Variants in CDYL2 observed in about 807,000 individuals in gnomAD.
CDYL2 encodes the protein chromodomain Y-like protein 2.
A neutral mutation model predicts 49.4 loss-of-function variants in CDYL2; 23 were observed. The ratio of observed to expected loss-of-function variants is 0.47; its 90% CI spans 0.34 to 0.66. The LOEUF is 0.66. CDYL2 is among the 30% of genes least tolerant of loss of function. CDYL2 has a pLI of 0.01. For synonymous variants in CDYL2, 360 were observed against 268.8 expected (o/e 1.34, Z -3.32); for missense variants, 678 against 656.4 (o/e 1.03, Z -0.36).
chr16:80,631,121 C>T (rs1195384602), intron 3 of CDYL2, among the ~76,000 whole-genome samples: 2 of 152,228 alleles, frequency 1.3e-5, no homozygotes, highest in Non-Finnish European at 2.9e-5. Context: ...AACAGAACCC[C>T]TGCCCTCCTG....
chr16:80,733,291 C>T (rs1313458801), intron 1 of CDYL2, among the ~76,000 whole-genome samples: 1 of 152,176 alleles, frequency 6.6e-6, no homozygotes, highest in Non-Finnish European at 1.5e-5. Context: ...CTCAAAGGGG[C>T]CATAGTTGCA....
intron 1 of CDYL2, among the ~76,000 whole-genome samples, chr16:80,718,053 T>A (rs190379567): frequency 1.3e-5 from 2 of 152,320 alleles, no homozygotes; most frequent in African/African-American, 4.8e-5. Flanking sequence ...CAGGAGGGGC[T>A]ATTATCTCTA....
intron 2 of CDYL2, among the ~76,000 whole-genome samples, chr16:80,664,212 C>A (rs957429570): frequency 3.3e-5 from 5 of 152,198 alleles, no homozygotes; most frequent in African/African-American, 9.7e-5. Flanking sequence ...GCCCCATAAA[C>A]ACCTTAACTT....
intron 1 of CDYL2, among the ~76,000 whole-genome samples, chr16:80,768,083 C>T (rs1233040011): frequency 1.3e-5 from 2 of 152,302 alleles, no homozygotes; most frequent in African/African-American, 4.8e-5. Flanking sequence ...AGGCAAAGCC[C>T]ATTCCCCCAC....
chr16:80,670,965 C>G (rs1227580391), intron 2 of CDYL2: 2 of 455,908 alleles, frequency 4.4e-6, no homozygotes, highest in Non-Finnish European at 8.8e-6. Flanking sequence ...ACATGAATAT[C>G]TAAAGAAGGC....
At chr16:80,698,512 T>C (rs1473041948) in intron 1 of CDYL2, among the ~76,000 whole-genome samples, 2 of 152,144 alleles carry the variant, frequency 1.3e-5, no homozygotes, top group Non-Finnish European at 1.5e-5. Flanking sequence ...ACGGTTTGGA[T>C]CTGTGTCCTT....
intron 1 of CDYL2, among the ~76,000 whole-genome samples, chr16:80,686,363 T>C (rs1046741321): frequency 2.0e-5 from 3 of 152,260 alleles, no homozygotes; most frequent in Admixed American, 6.5e-5. Flanking sequence ...TTCCCAATGT[T>C]GTACCCTCCA....
chr16:80,666,817 G>A (rs1597158821), intron 2 of CDYL2, among the ~76,000 whole-genome samples: 2 of 152,128 alleles, frequency 1.3e-5, no homozygotes, highest in Admixed American at 6.5e-5. Context: ...AAGCAGAACC[G>A]GCTCCTTAAG....
chr16:80,738,938 C>T (rs961242738), intron 1 of CDYL2, among the ~76,000 whole-genome samples: 5 of 152,122 alleles, frequency 3.3e-5, no homozygotes, highest in Admixed American at 3.3e-4. Context: ...ATGCTTTGAC[C>T]ACTATTGTCT....
chr16:80,726,222 G>C (rs911095936), intron 1 of CDYL2, among the ~76,000 whole-genome samples: 8 of 152,134 alleles, frequency 5.3e-5, no homozygotes. Flanking sequence ...ATGTTGCAAA[G>C]GGATTTGAGG....
intron 1 of CDYL2, among the ~76,000 whole-genome samples, chr16:80,703,597 G>A (rs1241641409): frequency 6.6e-6 from 1 of 152,086 alleles, no homozygotes; most frequent in Admixed American, 6.5e-5. Flanking sequence ...AGGCCACAGG[G>A]CCTCCCTGTG....
At chr16:80,606,550 G>T (rs938881843) in intron 6 of CDYL2, among the ~76,000 whole-genome samples, 3 of 152,128 alleles carry the variant, frequency 2.0e-5, no homozygotes, top group Admixed American at 2.0e-4. Context: ...CCTGTCTTGA[G>T]TGCCCTCACT....
At chr16:80,634,561 G>T (rs1274201522) in intron 2 of CDYL2, among the ~76,000 whole-genome samples, 1 of 151,936 alleles carries the variant, frequency 6.6e-6, no homozygotes, top group Admixed American at 6.6e-5. Context: ...AGAGTTAATG[G>T]GTACAGCAAA....
chr16:80,680,283 A>G (rs778852913), intron 2 of CDYL2, among the ~76,000 whole-genome samples: 12 of 152,224 alleles, frequency 7.9e-5, no homozygotes, highest in Non-Finnish European at 1.3e-4. Flanking sequence ...GCAGCAGACA[A>G]CAGTCATCAA....
At chr16:80,610,945 G>A (rs760291324) in intron 5 of CDYL2, among the ~76,000 whole-genome samples, 37 of 152,158 alleles carry the variant, frequency 2.4e-4, no homozygotes, top group Non-Finnish European at 4.4e-4. Context: ...TGCCAGGCTC[G>A]CAGGGGCCAC....
In CDYL2 at chr16:80,702,003, C is replaced by T. The variant is rs889053948; in HGVS notation, c.25-16874G>A. 5.3e-5 allele frequency among the ~76,000 whole-genome samples: 8 copies of T among 152,022 alleles called. No individual in the cohort carries two copies. The South Asian group carries it at 8.3e-4, about 16-fold the overall frequency. Reference sequence around the variant, plus strand: ...CCCTTCATATATTAGGAGATAAAATCGGAAACAAAGTAGCATCAAATATCA... The same window carrying T: ...CCCTTCATATATTAGGAGATAAAATTGGAAACAAAGTAGCATCAAATATCA... On this transcript the variant is annotated intron_variant, in intron 1 of 6. Transcript: ENST00000570137.
At chr16:80,781,850 A>G (rs1470473187) in intron 1 of CDYL2, among the ~76,000 whole-genome samples, 1 of 152,136 alleles carries the variant, frequency 6.6e-6, no homozygotes, top group Non-Finnish European at 1.5e-5. Context: ...TCTTGAGACA[A>G]AAGAAAACAA....
chr16:80,774,238 T>G (rs1335961552), intron 1 of CDYL2, among the ~76,000 whole-genome samples: 1 of 151,996 alleles, frequency 6.6e-6, no homozygotes, highest in Admixed American at 6.6e-5. Context: ...AAGAAGGAAA[T>G]TCTGTCATTT....
chr16:80,790,215 A>G lies in CDYL2; in HGVS notation c.24+13935T>C, dbSNP rs570809373. ...TTACACAGCAATTCATTAAGTCAAT[A>G]ACCTAACAGGACTTACACCAGCTTC... On this transcript the variant is annotated intron_variant, in intron 1 of 6. Coordinates refer to ENST00000570137, the MANE Select transcript of CDYL2 (RefSeq NM_152342.4). Among the ~76,000 whole-genome samples, 4 of 152,332 alleles carry G rather than the reference A, an allele frequency of 2.6e-5. No individual in the cohort carries two copies. In the South Asian group the frequency reaches 8.3e-4, roughly 32 times the overall value.
Sources: gnomAD v4.1 joint callset for allele counts (sites outside exome capture counted in the v4.1 genomes callset) on GRCh38, gnomAD v4.1.1 for gene constraint, MANE v1.5 for transcripts, NCBI Gene and HGNC (gene_info 2026-07-23, HGNC 2026-07-21) for gene names.